RALYL: variants seen among roughly 807,000 people sequenced by gnomAD.
RALYL encodes RNA-binding Raly-like protein.
Under a neutral mutation model 35.1 loss-of-function variants are expected in RALYL, and 29 were observed. The observed-to-expected ratio is 0.83, with a 90% confidence interval of 0.61 to 1.13. RALYL has a LOEUF of 1.13. Among genes scored for constraint, RALYL ranks in the 50% most tolerant of loss-of-function variants. The probability of loss-of-function intolerance (pLI) is 0.00; values close to 1 mark genes in which losing one functional copy is unlikely to be tolerated. For missense variants in RALYL, 359 were observed against 360.4 expected (o/e 1.00, Z 0.03); for synonymous variants, 120 against 127.6 (o/e 0.94, Z 0.40).
intron 1 of RALYL, among the ~76,000 whole-genome samples, chr8:84,458,364 A>G (rs2050376476): frequency 6.6e-6 from 1 of 151,870 alleles, no homozygotes; most frequent in Admixed American, 6.6e-5. Context: ...GGTATTTCCA[A>G]CCATGACTCA....
chr8:84,242,573 T>C (rs187223041), intron 1 of RALYL, among the ~76,000 whole-genome samples: 106 of 152,372 alleles, frequency 7.0e-4, no homozygotes, highest in African/African-American at 2.5e-3. Context: ...GATTTGCATT[T>C]CTCTAATGAT....
intron 2 of RALYL, among the ~76,000 whole-genome samples, chr8:84,699,005 C>CATAGATAG (rs3068019): frequency 0.11 from 16,436 of 144,120 alleles, 989 homozygotes; most frequent in African/African-American, 0.13. Flanking sequence ...TAGGTAGGTA[C>CATAGATAG]ATAGATAGAT....
intron 1 of RALYL, among the ~76,000 whole-genome samples, chr8:84,270,089 G>T (rs1331351511): frequency 2.6e-5 from 4 of 152,058 alleles, no homozygotes; most frequent in Non-Finnish European, 5.9e-5. Context: ...GAGCAGTACT[G>T]CATGAAGGTA....
At chr8:84,507,543 A>G (rs1424559397) in intron 1 of RALYL, among the ~76,000 whole-genome samples, 1 of 152,168 alleles carries the variant, frequency 6.6e-6, no homozygotes, top group African/African-American at 2.4e-5. Flanking sequence ...AGTACGAAGT[A>G]TATTAATTTG....
At chr8:84,657,091 T>A (rs1221297092) in intron 2 of RALYL, among the ~76,000 whole-genome samples, 2 of 152,190 alleles carry the variant, frequency 1.3e-5, no homozygotes, top group Non-Finnish European at 2.9e-5. Flanking sequence ...CATTTTACTT[T>A]TAAAACAGAC....
chr8:84,599,562 G>T (rs970483046), intron 2 of RALYL, among the ~76,000 whole-genome samples: 3 of 151,682 alleles, frequency 2.0e-5, no homozygotes, highest in African/African-American at 7.3e-5. Context: ...AGAATCTAAG[G>T]CAATATATAT....
At chr8:84,196,658 G>A (rs1815357950) in intron 1 of RALYL, among the ~76,000 whole-genome samples, 1 of 152,136 alleles carries the variant, frequency 6.6e-6, no homozygotes, top group East Asian at 1.9e-4. Context: ...CAAATATAGA[G>A]TGTTCATAGA....
intron 1 of RALYL, among the ~76,000 whole-genome samples, chr8:84,186,548 G>GA (rs1347917261): frequency 6.6e-6 from 1 of 152,134 alleles, no homozygotes; most frequent in Non-Finnish European, 1.5e-5. Context: ...TTCATTAAGA[G>GA]AATCAGTTGC....
At chr8:84,526,985 A>G (rs1388121042) in intron 1 of RALYL, among the ~76,000 whole-genome samples, 1 of 152,216 alleles carries the variant, frequency 6.6e-6, no homozygotes, top group African/African-American at 2.4e-5. Flanking sequence ...ATCGTGGCTG[A>G]AAGTGGAAGT....
At position 84,615,582 on chromosome 8, in the gene RALYL, T is replaced by TC. The variant is rs1264203146; in HGVS notation, c.256+86005_256+86006insC. ...ATAGAACTTTCGTCTTTTTTTTTTT[T>TC]TTTTTTTTTTTTTTTTTTACTTATT... On this transcript the variant is annotated intron_variant, in intron 2 of 8. Transcript: ENST00000521268. 1.7e-4 allele frequency among the ~76,000 whole-genome samples: 16 copies of TC among 95,450 alleles called. 1 individual carries two copies. Among genetic ancestry groups the TC allele is most frequent in the African/African-American group, 5.5e-4 (16 of 28,922 alleles). 62.6% of individuals were successfully genotyped at this position (95,450 alleles called of 152,430 possible). A position where few individuals can be genotyped will look rare whatever the true frequency, so the allele number is the denominator to read the frequency against.
chr8:84,620,386 C>T (rs1054015370), intron 2 of RALYL, among the ~76,000 whole-genome samples: 18 of 152,158 alleles, frequency 1.2e-4, no homozygotes, highest in African/African-American at 1.7e-4. Flanking sequence ...TTGATCGCAT[C>T]GGCTCCTGAG....
At chr8:84,317,818 T>G (rs561133136) in intron 1 of RALYL, among the ~76,000 whole-genome samples, 1 of 152,316 alleles carries the variant, frequency 6.6e-6, no homozygotes, top group Non-Finnish European at 1.5e-5. Context: ...TACGTTGACC[T>G]ACTTGGAAAA....
intron 2 of RALYL, among the ~76,000 whole-genome samples, chr8:84,760,895 G>A (rs1488338031): frequency 2.6e-5 from 4 of 152,016 alleles, no homozygotes; most frequent in Non-Finnish European, 4.4e-5. Context: ...TTCTGTATCA[G>A]AATAGAATGA....
At chr8:84,346,132 C>A in intron 1 of RALYL, 1 of 905,980 alleles carries the variant, frequency 1.1e-6, no homozygotes, top group Non-Finnish European at 1.3e-6. Context: ...TAGCCCTTGG[C>A]GAGGTGCCTG....
At chr8:84,311,053 CAAAAAAAAAAAAA>C (rs34029529) in intron 1 of RALYL, among the ~76,000 whole-genome samples, 10 of 9,520 alleles carry the variant, frequency 1.1e-3, no homozygotes, top group Non-Finnish European at 1.7e-3. Flanking sequence ...GACTCCGTCT[CAAAAAAAAAAAAA>C]AAAAAAAAAA....
intron 2 of RALYL, among the ~76,000 whole-genome samples, chr8:84,605,296 A>G (rs1816863244): frequency 6.6e-6 from 1 of 152,134 alleles, no homozygotes; most frequent in South Asian, 2.1e-4. Flanking sequence ...TCTGCATTCT[A>G]ATCAAAGAAC....
intron 2 of RALYL, among the ~76,000 whole-genome samples, chr8:84,535,495 GCGCTGTCTCGGCT>G (rs1361023607): frequency 2.0e-5 from 3 of 151,190 alleles, no homozygotes; most frequent in African/African-American, 7.3e-5. Context: ...GAGTGCAGTG[GCGCTGTCTCGGCT>G]CACTGCAAGC....
intron 1 of RALYL, among the ~76,000 whole-genome samples, chr8:84,309,245 C>G (rs1842334609): frequency 6.6e-6 from 1 of 151,190 alleles, no homozygotes; most frequent in East Asian, 2.0e-4. Context: ...TTGTATAATG[C>G]TATAACCTGA....
chr8:84,363,910 T>C (rs1411665894), intron 1 of RALYL, among the ~76,000 whole-genome samples: 2 of 152,172 alleles, frequency 1.3e-5, no homozygotes, highest in African/African-American at 4.8e-5. Context: ...TGTATCTATG[T>C]GCAATAAAGC....
Sources: gnomAD v4.1 joint callset for allele counts (sites outside exome capture counted in the v4.1 genomes callset) on GRCh38, gnomAD v4.1.1 for gene constraint, MANE v1.5 for transcripts, NCBI Gene and HGNC (gene_info 2026-07-23, HGNC 2026-07-21) for gene names.